CSMD1: variants seen among roughly 807,000 people sequenced by gnomAD.
CSMD1 encodes CUB and Sushi multiple domains 1.
In CSMD1, 213 loss-of-function variants were observed where a neutral mutation model predicts 417.5. The observed-to-expected ratio is 0.51, with a 90% CI of 0.46 to 0.57. CSMD1 has a LOEUF of 0.57. Ranked by LOEUF, CSMD1 falls within the 20% of genes least tolerant of loss-of-function variation. The pLI, the probability that CSMD1 is intolerant of heterozygous loss-of-function variation, is 0.00. For missense variants in CSMD1, 6,923 were observed against 4,529.7 expected, an observed-to-expected ratio of 1.53 and a Z score of -15.17; for synonymous variants, 2,862 against 1,736.8, an observed-to-expected ratio of 1.65 and a Z score of -16.11.
At chr8:3,947,399 T>C (rs1287635189) in intron 5 of CSMD1, among the ~76,000 whole-genome samples, 1 of 152,214 alleles carries the variant, frequency 6.6e-6, no homozygotes, top group Non-Finnish European at 1.5e-5. Context: ...TGACGTGCTA[T>C]CCTTTTTATA....
chr8:4,261,728 C>T (rs1002763759), intron 3 of CSMD1, among the ~76,000 whole-genome samples: 48 of 151,972 alleles, frequency 3.2e-4, no homozygotes, highest in African/African-American at 1.1e-3. Flanking sequence ...ATCTTAAATG[C>T]CCCCATCACA....
intron 2 of CSMD1, among the ~76,000 whole-genome samples, chr8:4,437,791 G>C (rs979728622): frequency 1.3e-5 from 2 of 152,144 alleles, no homozygotes; most frequent in African/African-American, 4.8e-5. Flanking sequence ...GTCTCTATGG[G>C]AACTTCATAG....
chr8:3,920,276 C>G (rs1336338519), intron 5 of CSMD1, among the ~76,000 whole-genome samples: 2 of 151,932 alleles, frequency 1.3e-5, no homozygotes, highest in East Asian at 3.9e-4. Flanking sequence ...CTCAAGTGAT[C>G]CACCCACTTC....
chr8:2,998,266 A>G, intron 53 of CSMD1, 82 bp from the exon 54 acceptor site: 1 of 1,418,812 alleles, frequency 7.0e-7, no homozygotes, highest in Non-Finnish European at 9.8e-7. Context: ...AGAAACATGC[A>G]GGCATGCTAA....
At chr8:3,629,227 G>A (rs1244618760) in intron 7 of CSMD1, among the ~76,000 whole-genome samples, 1 of 152,114 alleles carries the variant, frequency 6.6e-6, no homozygotes, top group Admixed American at 6.5e-5. Flanking sequence ...GAAAATCCAG[G>A]TCAGTTACTG....
chr8:3,474,621 C>A (rs1393459854), intron 11 of CSMD1, among the ~76,000 whole-genome samples: 2 of 152,062 alleles, frequency 1.3e-5, no homozygotes, highest in Admixed American at 1.3e-4. Context: ...CAGAAATATG[C>A]TTAGGAACTT....
At chr8:2,995,244 T>C (rs1563217081) in intron 54 of CSMD1, among the ~76,000 whole-genome samples, 4 of 152,156 alleles carry the variant, frequency 2.6e-5, no homozygotes, top group African/African-American at 9.7e-5. Context: ...GCAAAAGGCA[T>C]GAACAGACAT....
intron 20 of CSMD1, among the ~76,000 whole-genome samples, chr8:3,360,068 CTA>C (rs2117714066): frequency 6.6e-6 from 1 of 152,250 alleles, no homozygotes; most frequent in Non-Finnish European, 1.5e-5. Context: ...AGGCACAGGG[CTA>C]TGTTTCTGGA....
Position 4,569,051 on chromosome 8 carries a change from C to G in CSMD1, c.302+68291G>C, listed in dbSNP as rs1201071858. 2.0e-5 allele frequency among the ~76,000 whole-genome samples: 3 copies of G among 152,078 alleles called. No individual in the cohort carries two copies. In the East Asian group the frequency reaches 5.8e-4, roughly 29 times the overall value. ...CAGATGGATAGATTGACAAAATTTT[C>G]TCCCATTCTGTAGGTTGCCTGTTCA... On this transcript the variant is annotated intron_variant, in intron 2 of 69. Coordinates refer to ENST00000635120, the MANE Select transcript of CSMD1 (RefSeq NM_033225.6).
intron 68 of CSMD1, among the ~76,000 whole-genome samples, chr8:2,946,352 C>G (rs182502409): frequency 2.0e-4 from 30 of 152,278 alleles, no homozygotes; most frequent in Non-Finnish European, 3.5e-4. Context: ...TGGTGTCCCT[C>G]CAAAAGAATC....
chr8:4,232,533 G>C (rs960719202), intron 3 of CSMD1, among the ~76,000 whole-genome samples: 3 of 152,226 alleles, frequency 2.0e-5, no homozygotes, highest in Admixed American at 6.5e-5. Flanking sequence ...TACCTATGAA[G>C]AATAATTGAC....
chr8:3,532,048 T>A (rs766374466), intron 10 of CSMD1, among the ~76,000 whole-genome samples: 62 of 152,332 alleles, frequency 4.1e-4, no homozygotes, highest in Non-Finnish European at 4.1e-4. Context: ...CCTGTCTAGA[T>A]CAGATACTGC....
intron 1 of CSMD1, among the ~76,000 whole-genome samples, chr8:4,876,038 A>G (rs1424507669): frequency 2.0e-5 from 3 of 152,098 alleles, no homozygotes; most frequent in African/African-American, 7.3e-5. Context: ...AGGGGAAAAA[A>G]CCTATCAATT....
chr8:4,295,052 A>G (rs1385481331), intron 3 of CSMD1, among the ~76,000 whole-genome samples: 2 of 97,634 alleles, frequency 2.0e-5, no homozygotes, highest in Non-Finnish European at 4.8e-5. Context: ...TATATTATAC[A>G]CATATAATCT....
At chr8:4,347,697 A>T (rs79680373) in intron 3 of CSMD1, among the ~76,000 whole-genome samples, 2,466 of 152,216 alleles carry the variant, frequency 0.016, 58 homozygotes, top group African/African-American at 0.056. Context: ...TACTACAAAC[A>T]TCCCTTCTAT....
At chr8:4,265,985 G>C (rs1454899713) in intron 3 of CSMD1, among the ~76,000 whole-genome samples, 1 of 103,644 alleles carries the variant, frequency 9.6e-6, no homozygotes, top group Non-Finnish European at 2.6e-5. Flanking sequence ...CCTACTTTGT[G>C]TGCGTTTGGG....
At chr8:4,676,455 T>G (rs941428261) in intron 1 of CSMD1, among the ~76,000 whole-genome samples, 7 of 152,118 alleles carry the variant, frequency 4.6e-5, no homozygotes, top group Non-Finnish European at 8.8e-5. Flanking sequence ...ATGTCTTCAT[T>G]CCTATCTTCA....
At chr8:4,012,553 T>C (rs972627954) in intron 4 of CSMD1, among the ~76,000 whole-genome samples, 4 of 152,098 alleles carry the variant, frequency 2.6e-5, no homozygotes, top group African/African-American at 9.7e-5. Flanking sequence ...ACCTGGCAGG[T>C]AGTTATTCAA....
At chr8:3,713,439 G>A (rs35145202) in intron 6 of CSMD1, among the ~76,000 whole-genome samples, 51,162 of 151,858 alleles carry the variant, frequency 0.34, 8,718 homozygotes, top group East Asian at 0.5. Context: ...TAGCTGGAGC[G>A]TCCTGCCCTC....
Sources: gnomAD v4.1 joint callset for allele counts (sites outside exome capture counted in the v4.1 genomes callset) on GRCh38, gnomAD v4.1.1 for gene constraint, MANE v1.5 for transcripts, NCBI Gene and HGNC (gene_info 2026-07-23, HGNC 2026-07-21) for gene names.